Variants in DCC observed in about 807,000 individuals in gnomAD.
DCC encodes the protein netrin receptor DCC.
Under a neutral mutation model 172.5 loss-of-function variants are expected in DCC, and 58 were observed. The ratio of observed to expected loss-of-function variants is 0.34; its 90% CI spans 0.27 to 0.42. The LOEUF (loss-of-function observed/expected upper bound fraction) is 0.42. Ranked by LOEUF, DCC falls within the 10% of genes least tolerant of loss-of-function variation. The pLI, the probability that DCC is intolerant of heterozygous loss-of-function variation, is 1.00. For missense variants in DCC, 1,740 were observed against 1,791.0 expected (o/e 0.97, Z 0.51); for synonymous variants, 709 against 644.5 (o/e 1.10, Z -1.52).
rs945844030 is a variant in DCC, at chr18:53,535,617, G to T, written c.*4964G>T. 6.6e-6 allele frequency: 1 copy of T among 152,056 alleles called. No homozygotes were observed. The highest frequency in any genetic ancestry group is 1.5e-5 in the Non-Finnish European group (1 of 68,002). 9.4% of individuals were successfully genotyped at this position (152,056 alleles called of 1,614,324 possible). Reference sequence around the variant, plus strand: ...TACAAAACACCTTTTTTAACAAAAAGGTATTTTGAGCCTACAAAAAGTTTC... The same window carrying T: ...TACAAAACACCTTTTTTAACAAAAATGTATTTTGAGCCTACAAAAAGTTTC... On this transcript the variant is annotated 3_prime_UTR_variant, in exon 29 of 29. Transcript: ENST00000442544.
intron 23 of DCC, among the ~76,000 whole-genome samples, chr18:53,451,710 GCTCTCTCTCTCT>G (rs371232356): frequency 4.1e-5 from 6 of 147,436 alleles, no homozygotes; most frequent in African/African-American, 1.5e-4. Flanking sequence ...GCTCGCTCTT[GCTCTCTCTCTCT>G]CTCTCTCTCT....
At chr18:52,735,686 G>C (rs941211022) in intron 1 of DCC, among the ~76,000 whole-genome samples, 4 of 152,244 alleles carry the variant, frequency 2.6e-5, no homozygotes, top group Middle Eastern at 3.4e-3. Flanking sequence ...TCCAGCATGG[G>C]AGAAGGATGG....
At chr18:53,267,100 A>ACT (rs74180414) in intron 12 of DCC, among the ~76,000 whole-genome samples, 25 of 138,460 alleles carry the variant, frequency 1.8e-4, no homozygotes, top group Admixed American at 2.9e-4. Context: ...ACACACACAC[A>ACT]CTCTCTCTCT....
chr18:52,890,913 T>G (rs1311925744), intron 2 of DCC, among the ~76,000 whole-genome samples: 1 of 152,080 alleles, frequency 6.6e-6, no homozygotes, highest in Non-Finnish European at 1.5e-5. Flanking sequence ...TTCAGCTGTT[T>G]TAAATGTATG....
chr18:52,710,726 T>C (rs1385279307), intron 1 of DCC, among the ~76,000 whole-genome samples: 1 of 152,234 alleles, frequency 6.6e-6, no homozygotes, highest in Non-Finnish European at 1.5e-5. Context: ...ATAACATAAA[T>C]CCCAAAGGGA....
At chr18:52,479,132 T>C (rs1012438918) in intron 1 of DCC, among the ~76,000 whole-genome samples, 4 of 152,156 alleles carry the variant, frequency 2.6e-5, no homozygotes, top group Non-Finnish European at 5.9e-5. Flanking sequence ...GAAAGTTAAA[T>C]GATATGGAGA....
intron 15 of DCC, among the ~76,000 whole-genome samples, chr18:53,377,934 A>G (rs574270905): frequency 6.6e-6 from 1 of 152,286 alleles, no homozygotes; most frequent in South Asian, 2.1e-4. Context: ...CTGATTCCAG[A>G]AGGCTTTGCT....
chr18:52,560,185 T>G (rs1052749719), intron 1 of DCC, among the ~76,000 whole-genome samples: 4 of 152,226 alleles, frequency 2.6e-5, no homozygotes, highest in Non-Finnish European at 5.9e-5. Context: ...GCATGATCTC[T>G]GTTGCAACTA....
At chr18:53,050,721 T>C (rs1318903209) in intron 5 of DCC, among the ~76,000 whole-genome samples, 1 of 152,092 alleles carries the variant, frequency 6.6e-6, no homozygotes, top group Non-Finnish European at 1.5e-5. Flanking sequence ...TATCCACAAA[T>C]AGGGACAGCT....
chr18:53,524,572 A>T (rs2046434493), intron 27 of DCC, among the ~76,000 whole-genome samples: 1 of 152,136 alleles, frequency 6.6e-6, no homozygotes, highest in Admixed American at 6.6e-5. Flanking sequence ...ATATTTTAAA[A>T]ATATTGGAAT....
In DCC at chr18:52,682,623, G is replaced by A. The variant is rs1255462769; in HGVS notation, c.92-69431G>A. ...CATCTGCTATGAGGTGCTATTCTGG[G>A]ATAAAGAAGTGAACAAAGCCAGTGA... On this transcript the variant is annotated intron_variant, in intron 1 of 28. Transcript: ENST00000442544. Among the ~76,000 whole-genome samples the A allele has an allele frequency of 4.6e-5, 7 of 152,174 alleles. No homozygotes were observed. The East Asian group carries it at 1.4e-3, about 29-fold the overall frequency.
At chr18:52,600,653 C>A (rs2033997906) in intron 1 of DCC, among the ~76,000 whole-genome samples, 1 of 152,094 alleles carries the variant, frequency 6.6e-6, no homozygotes, top group Non-Finnish European at 1.5e-5. Flanking sequence ...TACTTCATTT[C>A]TTTGGATCTT....
At chr18:52,749,325 T>A (rs890969490) in intron 1 of DCC, among the ~76,000 whole-genome samples, 3 of 152,192 alleles carry the variant, frequency 2.0e-5, no homozygotes, top group Non-Finnish European at 4.4e-5. Flanking sequence ...GCTTTAGGCT[T>A]TTTTCGGCTT....
intron 1 of DCC, among the ~76,000 whole-genome samples, chr18:52,607,638 T>G (rs1026512242): frequency 3.3e-5 from 5 of 152,138 alleles, no homozygotes; most frequent in African/African-American, 1.2e-4. Context: ...TTATTTGATT[T>G]TAGTGAAATC....
chr18:52,715,024 A>T (rs1204103450), intron 1 of DCC, among the ~76,000 whole-genome samples: 1 of 152,088 alleles, frequency 6.6e-6, no homozygotes, highest in African/African-American at 2.4e-5. Context: ...TAATGGAAGG[A>T]TTATTGGACT....
At chr18:52,575,108 T>G (rs534409063) in intron 1 of DCC, among the ~76,000 whole-genome samples, 4 of 152,278 alleles carry the variant, frequency 2.6e-5, no homozygotes, top group Admixed American at 6.5e-5. Context: ...TTTATGTTAT[T>G]ACTTTTTGTT....
intron 27 of DCC, among the ~76,000 whole-genome samples, chr18:53,514,010 A>AT (rs532042667): frequency 0.046 from 7,038 of 151,816 alleles, 502 homozygotes; most frequent in African/African-American, 0.14. Flanking sequence ...CAGAATATAC[A>AT]TTTTTTTCAG....
At chr18:53,349,027 A>G (rs2057757342) in intron 15 of DCC, among the ~76,000 whole-genome samples, 1 of 152,214 alleles carries the variant, frequency 6.6e-6, no homozygotes, top group Admixed American at 6.5e-5. Context: ...TCCTCAGAAA[A>G]ATCGGATTTT....
intron 12 of DCC, among the ~76,000 whole-genome samples, chr18:53,284,060 A>G (rs1360012690): frequency 1.3e-5 from 2 of 152,188 alleles, no homozygotes; most frequent in African/African-American, 4.8e-5. Context: ...GACCTTTCAT[A>G]AATTTTATGC....
Sources: gnomAD v4.1 joint callset for allele counts (sites outside exome capture counted in the v4.1 genomes callset) on GRCh38, gnomAD v4.1.1 for gene constraint, MANE v1.5 for transcripts, NCBI Gene and HGNC (gene_info 2026-07-23, HGNC 2026-07-21) for gene names.